Variants in BAIAP2 observed in about 807,000 individuals in gnomAD.
The protein encoded by BAIAP2 is BAR/IMD domain containing adaptor protein 2.
In BAIAP2, 18 loss-of-function variants were observed where a neutral mutation model predicts 63.0. That is an observed-to-expected ratio of 0.29 (90% confidence interval 0.20 to 0.42). BAIAP2 has a LOEUF of 0.42. BAIAP2 is among the 10% of genes least tolerant of loss of function. BAIAP2 has a pLI of 1.00. For synonymous variants in BAIAP2, 386 were observed against 307.6 expected, an observed-to-expected ratio of 1.25 and a Z score of -2.67; for missense variants, 610 against 734.3, an observed-to-expected ratio of 0.83 and a Z score of 1.96.
In BAIAP2 at chr17:81,116,307, CT is replaced by C. The variant is rs2060531251; in HGVS notation, c.*470del. The C allele has an allele frequency of 6.2e-7, 1 of 1,612,704 alleles. No homozygotes were observed. The highest frequency in any genetic ancestry group is 8.5e-7 in the Non-Finnish European group (1 of 1,179,920). ...GCCCGCACCCTGGCTGGAAGATGAA[CT>C]TCCCGTAAGCACGTAATTCCCTGCA... On this transcript the variant is annotated 3_prime_UTR_variant, in exon 14 of 14. Coordinates refer to ENST00000428708, the MANE Select transcript of BAIAP2 (RefSeq NM_001144888.2).
Position 81,046,804 on chromosome 17 carries a change from C to T in BAIAP2, c.55-6864C>T, listed in dbSNP as rs926146278. On this transcript the variant is annotated intron_variant, in intron 1 of 13. Coordinates refer to ENST00000428708, the MANE Select transcript of BAIAP2 (RefSeq NM_001144888.2). This position sits in a 1 kb window ranked among gnomAD's most constrained non-coding sequence, Gnocchi z 4.5. ...CCGTGCGCCCTTCCCTGGAGCCTGG[C>T]ATCCTAGGCAGAGTCCCGTCAAGTC... Among the ~76,000 whole-genome samples, 3 of 152,154 alleles carry T rather than the reference C, an allele frequency of 2.0e-5. No individual in the cohort carries two copies. Among genetic ancestry groups the T allele is most frequent in the African/African-American group, 7.2e-5 (3 of 41,416 alleles).
chr17:81,098,207 A>C, intron 6 of BAIAP2: 1 of 1,407,224 alleles, frequency 7.1e-7, no homozygotes, highest in Non-Finnish European at 9.3e-7. Flanking sequence ...TGAGTCATAC[A>C]ACAAGCCCTG....
chr17:81,079,277 T>A (rs908595433), intron 3 of BAIAP2, among the ~76,000 whole-genome samples: 2 of 152,162 alleles, frequency 1.3e-5, no homozygotes, highest in African/African-American at 4.8e-5. Flanking sequence ...GAGGCTGGGC[T>A]CCCTGGTCAC....
At chr17:81,097,838 C>A (rs1285551676) in intron 6 of BAIAP2, 4 of 326,436 alleles carry the variant, frequency 1.2e-5, no homozygotes, top group African/African-American at 2.1e-5. Context: ...GGGACAGGGT[C>A]TGTGCCTCGG....
At chr17:81,050,203 G>A (rs145959845) in intron 1 of BAIAP2, among the ~76,000 whole-genome samples, 124 of 152,326 alleles carry the variant, frequency 8.1e-4, no homozygotes, top group African/African-American at 2.8e-3. Flanking sequence ...CCGCCCGCCC[G>A]GGAAGGGGAG....
chr17:81,078,267 C>A (rs1364527987), intron 3 of BAIAP2, among the ~76,000 whole-genome samples: 1 of 121,130 alleles, frequency 8.3e-6, no homozygotes. Flanking sequence ...GGGAGCCAGG[C>A]GCTGTGGGTG....
intron 6 of BAIAP2, among the ~76,000 whole-genome samples, chr17:81,095,289 G>A (rs989479011): frequency 2.0e-5 from 3 of 152,180 alleles, no homozygotes; most frequent in Non-Finnish European, 4.4e-5. Flanking sequence ...ACCAGGCCGT[G>A]CTCTGTCCCC....
At chr17:81,070,415 G>C (rs532132157) in intron 3 of BAIAP2, among the ~76,000 whole-genome samples, 1 of 152,340 alleles carries the variant, frequency 6.6e-6, no homozygotes, top group South Asian at 2.1e-4. Context: ...GTCACTTGTG[G>C]CCAAAAGGGA....
chr17:81,054,470 T>C (rs1355874194), intron 2 of BAIAP2, among the ~76,000 whole-genome samples: 1 of 152,164 alleles, frequency 6.6e-6, no homozygotes, highest in Non-Finnish European at 1.5e-5. Context: ...GTGTAGCCCA[T>C]GCATTCTGGA....
At chr17:81,090,366 T>C (rs569569756) in intron 6 of BAIAP2, among the ~76,000 whole-genome samples, 2 of 152,228 alleles carry the variant, frequency 1.3e-5, no homozygotes, top group African/African-American at 4.8e-5. Context: ...CCTCCGCCTC[T>C]GCTCCTCCCC....
At chr17:81,055,574 G>GTTTTTTTTTTTTTTTTTTTTT (rs1555657874) in intron 2 of BAIAP2, among the ~76,000 whole-genome samples, 1 of 123,410 alleles carries the variant, frequency 8.1e-6, no homozygotes, top group East Asian at 2.7e-4. Flanking sequence ...AGGGTGTTTT[G>GTTTTTTTTTTTTTTTTTTTTT]TTTTTTTTTG....
rs1170701108 is a variant in BAIAP2, at chr17:81,035,217, C to A, written c.-38C>A. 2.7e-6 allele frequency: 4 copies of A among 1,463,544 alleles called. No individual in the cohort carries two copies. In the African/African-American group the frequency reaches 4.4e-5, roughly 16 times the overall value. 90.7% of individuals were successfully genotyped at this position (1,463,544 alleles called of 1,614,324 possible). ...CGCCGCTGCTGCCGCCGCTTGCGTC[C>A]CCCGCTCCGGTCTGTGGTGCAGCCG... is the stretch of plus-strand genomic sequence containing the variant. On this transcript the variant is annotated 5_prime_UTR_variant, in exon 1 of 14. Coordinates refer to ENST00000428708, the MANE Select transcript of BAIAP2 (RefSeq NM_001144888.2).
At chr17:81,050,437 C>T (rs955787140) in intron 1 of BAIAP2, among the ~76,000 whole-genome samples, 20 of 152,324 alleles carry the variant, frequency 1.3e-4, no homozygotes, top group African/African-American at 3.8e-4. Context: ...CTGCCCCGTG[C>T]GTCATGCGGT....
chr17:81,058,543 C>T (rs1265931959), intron 3 of BAIAP2, among the ~76,000 whole-genome samples: 1 of 152,234 alleles, frequency 6.6e-6, no homozygotes, highest in Non-Finnish European at 1.5e-5. Flanking sequence ...TCCATGCTTC[C>T]ACAGTCCCCT....
At chr17:81,092,879 G>A (rs564360726) in intron 6 of BAIAP2, among the ~76,000 whole-genome samples, 1 of 152,280 alleles carries the variant, frequency 6.6e-6, no homozygotes, top group African/African-American at 2.4e-5. Flanking sequence ...GTGTGTCCGC[G>A]GGGCGTGGTC....
chr17:81,099,824 T>C, intron 6 of BAIAP2, 104 bp from the exon 7 acceptor site: 1 of 1,332,574 alleles, frequency 7.5e-7, no homozygotes, highest in Non-Finnish European at 1.0e-6. Context: ...CTGCTCTGCA[T>C]GAATGAGACG....
At chr17:81,077,574 A>G (rs1364468000) in intron 3 of BAIAP2, among the ~76,000 whole-genome samples, 1 of 152,122 alleles carries the variant, frequency 6.6e-6, no homozygotes, top group Non-Finnish European at 1.5e-5. Flanking sequence ...AAAAAAAAAA[A>G]AAAGTAAAAA....
At chr17:81,053,357 G>A in intron 1 of BAIAP2, 1 of 327,518 alleles carries the variant, frequency 3.1e-6, no homozygotes, top group East Asian at 6.8e-5. Context: ...GCGCGTCTGA[G>A]CGCCAGTTGT....
chr17:81,081,317 C>T (rs919300285), intron 3 of BAIAP2, among the ~76,000 whole-genome samples: 4 of 152,214 alleles, frequency 2.6e-5, no homozygotes, highest in Non-Finnish European at 4.4e-5. Flanking sequence ...CCGTCTCAGG[C>T]TTCCTGATCC....
Sources: gnomAD v4.1 joint callset for allele counts (sites outside exome capture counted in the v4.1 genomes callset) on GRCh38, gnomAD v4.1.1 for gene constraint, Gnocchi (gnomAD v3.1) non-coding constraint, MANE v1.5 for transcripts, NCBI Gene and HGNC (gene_info 2026-07-23, HGNC 2026-07-21) for gene names.